Variants in PCSK6 observed in about 807,000 individuals in gnomAD.
The protein encoded by PCSK6 is proprotein convertase subtilisin/kexin type 6, also known as paired basic amino acid cleaving enzyme 4.
PCSK6 carries 85 observed loss-of-function variants against 123.3 expected under a neutral mutation model. The ratio of observed to expected loss-of-function variants is 0.69; its 90% CI spans 0.58 to 0.83. The LOEUF (loss-of-function observed/expected upper bound fraction) is 0.83, where lower values mean the gene tolerates loss of function less well. Among genes scored for constraint, PCSK6 ranks in the 40% least tolerant of loss-of-function variants. The pLI, the probability that PCSK6 is intolerant of heterozygous loss-of-function variation, is 0.00. For missense variants in PCSK6, 1,191 were observed against 1,282.3 expected, an observed-to-expected ratio of 0.93 and a Z score of 1.09; for synonymous variants, 508 against 516.0, an observed-to-expected ratio of 0.98 and a Z score of 0.21.
chr15:101,314,811 C>A (rs2039950867), intron 19 of PCSK6, among the ~76,000 whole-genome samples: 1 of 152,204 alleles, frequency 6.6e-6, no homozygotes, highest in South Asian at 2.1e-4. Context: ...TCCCTCTCTT[C>A]CTGAGGTGCG....
In PCSK6 at chr15:101,429,872, A is replaced by G. The variant is rs946972576; in HGVS notation, c.734+115T>C. On this transcript the variant is annotated intron_variant, in intron 5 of 21. Transcript: ENST00000611716. ...TCCTGGAGAAGCCTGCCTCGCGCCC[A>G]GGCAGGGAAGATACGCCGGCAGCCA... 2.9e-5 allele frequency: 25 copies of G among 875,126 alleles called. No individual in the cohort carries two copies. The African/African-American group carries it at 3.3e-4, about 12-fold the overall frequency. 54.2% of individuals were successfully genotyped at this position (875,126 alleles called of 1,614,324 possible). A position where few individuals can be genotyped will look rare whatever the true frequency, so the allele number is the denominator to read the frequency against.
intron 1 of PCSK6, among the ~76,000 whole-genome samples, chr15:101,474,156 T>C (rs2057671251): frequency 1.3e-5 from 2 of 152,192 alleles, no homozygotes; most frequent in African/African-American, 4.8e-5. Context: ...GGAACACAAA[T>C]TGGGATTTCT....
chr15:101,420,978 G>A (rs556404124), intron 6 of PCSK6, among the ~76,000 whole-genome samples: 18 of 152,264 alleles, frequency 1.2e-4, no homozygotes, highest in African/African-American at 3.6e-4. Flanking sequence ...ATGGAGTCTC[G>A]CTCTGTTGCC....
intron 2 of PCSK6, among the ~76,000 whole-genome samples, chr15:101,439,941 G>T (rs775252325): frequency 6.6e-6 from 1 of 152,148 alleles, no homozygotes. Context: ...GCTGAGATCT[G>T]TAGGGAAGGA....
chr15:101,439,755 G>A (rs932464086), intron 2 of PCSK6, among the ~76,000 whole-genome samples: 14 of 152,190 alleles, frequency 9.2e-5, no homozygotes, highest in Non-Finnish European at 1.3e-4. Flanking sequence ...AAACTCCGGG[G>A]GCAAAGTCCC....
chr15:101,437,013 G>C (rs780621278), intron 2 of PCSK6, among the ~76,000 whole-genome samples: 8 of 152,150 alleles, frequency 5.3e-5, no homozygotes, highest in African/African-American at 1.9e-4. Context: ...GGACAGGCTC[G>C]AGTCCCAGAA....
At chr15:101,423,606 G>T (rs1351611054) in intron 6 of PCSK6, among the ~76,000 whole-genome samples, 1 of 151,878 alleles carries the variant, frequency 6.6e-6, no homozygotes, top group South Asian at 2.1e-4. Context: ...CAAAAGGAAG[G>T]ATTAGTTAAC....
At chr15:101,410,440 CA>C (rs1239447021) in intron 6 of PCSK6, among the ~76,000 whole-genome samples, 1 of 152,122 alleles carries the variant, frequency 6.6e-6, no homozygotes, top group African/African-American at 2.4e-5. Flanking sequence ...ATTAAAAAGA[CA>C]AAAAGGTGAA....
chr15:101,395,734 G>A (rs566252257), intron 7 of PCSK6, among the ~76,000 whole-genome samples: 24 of 152,158 alleles, frequency 1.6e-4, no homozygotes, highest in Non-Finnish European at 2.9e-4. Flanking sequence ...ATCGTATTTC[G>A]ATGTCTTCCC....
intron 13 of PCSK6, among the ~76,000 whole-genome samples, chr15:101,364,379 C>A (rs1027797124): frequency 6.6e-6 from 1 of 152,152 alleles, no homozygotes; most frequent in African/African-American, 2.4e-5. Context: ...ATAAGATGTG[C>A]TGATTATTCC....
At chr15:101,409,323 C>T (rs887137188) in intron 6 of PCSK6, among the ~76,000 whole-genome samples, 8 of 141,600 alleles carry the variant, frequency 5.6e-5, no homozygotes, top group African/African-American at 1.6e-4. Context: ...CAGTGGCTCA[C>T]GCCTGTAATC....
intron 11 of PCSK6, among the ~76,000 whole-genome samples, chr15:101,377,017 A>T (rs3784498): frequency 0.078 from 11,938 of 152,318 alleles, 877 homozygotes; most frequent in African/African-American, 0.19. Flanking sequence ...GTTCTGAGAC[A>T]GCCCAAAGAA....
chr15:101,392,588 T>C (rs1269365611), intron 8 of PCSK6, among the ~76,000 whole-genome samples: 1 of 111,586 alleles, frequency 9.0e-6, no homozygotes, highest in African/African-American at 3.5e-5. Flanking sequence ...AAACCCTCCC[T>C]TCCTCTTTTT....
At chr15:101,394,911 G>C (rs762236149) in intron 7 of PCSK6, among the ~76,000 whole-genome samples, 1 of 152,188 alleles carries the variant, frequency 6.6e-6, no homozygotes, top group East Asian at 1.9e-4. Context: ...TGAACCTGTC[G>C]GGGTGGCCAA....
chr15:101,365,691 G>A (rs1042609286), intron 13 of PCSK6: 1 of 153,122 alleles, frequency 6.5e-6, no homozygotes, highest in Non-Finnish European at 1.5e-5. Flanking sequence ...TAAACAAAAT[G>A]TGATCAATCC....
intron 6 of PCSK6, among the ~76,000 whole-genome samples, chr15:101,405,704 C>CT (rs919390591): frequency 2.0e-5 from 3 of 151,656 alleles, no homozygotes; most frequent in East Asian, 1.9e-4. Context: ...AACAAAGCCA[C>CT]TTTTTTTCCG....
chr15:101,314,367 G>A (rs2039938814), intron 19 of PCSK6, among the ~76,000 whole-genome samples: 1 of 152,184 alleles, frequency 6.6e-6, no homozygotes, highest in East Asian at 1.9e-4. Flanking sequence ...GTCAGAGAGG[G>A]GCAGTGAAGT....
intron 9 of PCSK6, among the ~76,000 whole-genome samples, chr15:101,384,826 G>A (rs112744182): frequency 4.6e-5 from 7 of 152,260 alleles, no homozygotes; most frequent in Middle Eastern, 3.4e-3. Flanking sequence ...TTCAAACCAC[G>A]ATTGGCCGAG....
In PCSK6 at chr15:101,331,953, C is replaced by T. The variant is rs766469441; in HGVS notation, c.1937G>A (p.Arg646His). ...PYHTFSAHQS[R>H]SRMLELSAPE... is the part of the protein sequence containing the mutation. ...GGCTGAGAGCTCCAGCATCCGCGAG[C>T]GGGACTGATGGGCACTGAAGGTGTG... Residue 646 changes from arginine to histidine, a missense_variant, in exon 14 of 22, where the codon CGC (arginine) becomes CAC (histidine). By Grantham distance (29) the Arg-to-His change is conservative (BLOSUM62 0). This residue lies in a region of PCSK6 where 630 missense variants were observed against 631.4 expected (regional missense o/e 1.00). Coordinates refer to ENST00000611716, the MANE Select transcript of PCSK6 (RefSeq NM_002570.5). 20 of 1,613,800 alleles carry T rather than the reference C, an allele frequency of 1.2e-5. No individual in the cohort carries two copies. Among genetic ancestry groups the T allele is most frequent in the Admixed American group, 3.3e-5 (2 of 59,984 alleles).
Sources: gnomAD v4.1 joint callset for allele counts (sites outside exome capture counted in the v4.1 genomes callset) on GRCh38, gnomAD v4.1.1 for gene constraint, gnomAD v4.1.1 regional missense constraint, MANE v1.5 for transcripts, NCBI Gene and HGNC (gene_info 2026-07-23, HGNC 2026-07-21) for gene names.